Variants in SHISA9 observed in about 807,000 individuals in gnomAD.
SHISA9 encodes shisa family member 9, also known as protein shisa-9.
Under a neutral mutation model 38.0 loss-of-function variants are expected in SHISA9, and 13 were observed. That is an observed-to-expected ratio of 0.34 (90% confidence interval 0.22 to 0.54). The LOEUF (loss-of-function observed/expected upper bound fraction) is 0.54. SHISA9 is among the 20% of genes least tolerant of loss of function. The pLI is 0.91. For missense variants in SHISA9, 538 were observed against 575.8 expected (o/e 0.93, Z 0.67); for synonymous variants, 275 against 242.0 (o/e 1.14, Z -1.27).
the SHISA9 span, among the ~76,000 whole-genome samples, chr16:13,420,194 G>A: frequency 5.6e-5 from 7 of 124,748 alleles, no homozygotes; most frequent in South Asian, 8.0e-4. Flanking sequence ...TGCCCTGAGC[G>A]GAGATCGCAC....
intron 2 of SHISA9, among the ~76,000 whole-genome samples, chr16:12,936,403 G>A (rs1012283479): frequency 1.3e-5 from 2 of 152,174 alleles, no homozygotes; most frequent in South Asian, 2.1e-4. Flanking sequence ...GCACAGTGAG[G>A]CATAAGTGTC....
intron 2 of SHISA9, among the ~76,000 whole-genome samples, chr16:13,104,437 G>A (rs1441312540): frequency 1.3e-5 from 2 of 152,024 alleles, no homozygotes; most frequent in Non-Finnish European, 2.9e-5. Context: ...AGTCCAAAGT[G>A]GAAACACTCC....
chr16:13,141,452 C>A (rs2050400909), intron 2 of SHISA9, among the ~76,000 whole-genome samples: 1 of 151,876 alleles, frequency 6.6e-6, no homozygotes. Flanking sequence ...TTTGGGAGGC[C>A]AAGGCAAGCA....
At chr16:13,443,403 GA>G in the SHISA9 span, among the ~76,000 whole-genome samples, 1 of 152,156 alleles carries the variant, frequency 6.6e-6, no homozygotes, top group Non-Finnish European at 1.5e-5. Context: ...AAGACTTTGG[GA>G]AATACTTGTC....
intron 2 of SHISA9, among the ~76,000 whole-genome samples, chr16:13,088,461 C>G (rs1453363632): frequency 6.6e-6 from 1 of 152,138 alleles, no homozygotes; most frequent in Non-Finnish European, 1.5e-5. Flanking sequence ...GAATATTCTT[C>G]CATTTGTTTG....
the SHISA9 span, among the ~76,000 whole-genome samples, chr16:13,399,599 C>T: frequency 2.0e-5 from 3 of 152,202 alleles, no homozygotes; most frequent in Non-Finnish European, 2.9e-5. Context: ...CTATTGCTTT[C>T]TGTTCTTTCC....
At chr16:13,030,598 C>T (rs896232847) in intron 2 of SHISA9, among the ~76,000 whole-genome samples, 4 of 152,142 alleles carry the variant, frequency 2.6e-5, no homozygotes, top group Non-Finnish European at 5.9e-5. Flanking sequence ...ACCTGAGATC[C>T]GGACCACATC....
intron 2 of SHISA9, among the ~76,000 whole-genome samples, chr16:13,174,545 G>C (rs2050715286): frequency 6.6e-6 from 1 of 152,220 alleles, no homozygotes; most frequent in African/African-American, 2.4e-5. Context: ...AGGGATGAAG[G>C]CTAAGAAATT....
chr16:13,334,504 T>G, the SHISA9 span, among the ~76,000 whole-genome samples: 192 of 152,264 alleles, frequency 1.3e-3, 3 homozygotes, highest in African/African-American at 4.4e-3. Flanking sequence ...GCCGGGTGTG[T>G]TGGCTCATGC....
At chr16:13,378,960 C>A in the SHISA9 span, among the ~76,000 whole-genome samples, 4 of 152,134 alleles carry the variant, frequency 2.6e-5, no homozygotes, top group East Asian at 7.7e-4. Flanking sequence ...CAGTAAGTAA[C>A]CAACGATGTT....
At chr16:13,414,971 A>G in the SHISA9 span, among the ~76,000 whole-genome samples, 2 of 152,310 alleles carry the variant, frequency 1.3e-5, no homozygotes, top group Admixed American at 6.5e-5. Context: ...ACAGCAATGT[A>G]CAGAAAATGG....
At chr16:13,319,562 A>G in the SHISA9 span, among the ~76,000 whole-genome samples, 1 of 152,092 alleles carries the variant, frequency 6.6e-6, no homozygotes, top group Non-Finnish European at 1.5e-5. Flanking sequence ...GGCTGGAAAG[A>G]GCCCAGCTTC....
At chr16:13,558,286 GTGCAAATAATGTAAATAAGCTTGA>G in the SHISA9 span, among the ~76,000 whole-genome samples, 3 of 152,238 alleles carry the variant, frequency 2.0e-5, no homozygotes, top group South Asian at 6.2e-4. Context: ...ACATCTCTGG[GTGCAAATAATGTAAATAAGCTTGA>G]TGCTGTGCTG....
chr16:13,409,370 T>C, the SHISA9 span, among the ~76,000 whole-genome samples: 72 of 152,358 alleles, frequency 4.7e-4, no homozygotes, highest in African/African-American at 1.6e-3. Flanking sequence ...ACTGGCCCTC[T>C]GTCCTTGCAG....
At chr16:13,002,692 TG>T (rs1190150250) in intron 2 of SHISA9, among the ~76,000 whole-genome samples, 1 of 151,800 alleles carries the variant, frequency 6.6e-6, no homozygotes, top group Non-Finnish European at 1.5e-5. Flanking sequence ...ACCACCGCAC[TG>T]GGCTAATTTT....
At chr16:12,997,874 A>G (rs1391365019) in intron 2 of SHISA9, among the ~76,000 whole-genome samples, 3 of 152,194 alleles carry the variant, frequency 2.0e-5, no homozygotes, top group African/African-American at 7.2e-5. Context: ...ATCTCTAGAT[A>G]ATCATCCACC....
At chr16:13,504,306 C>T in the SHISA9 span, among the ~76,000 whole-genome samples, 1 of 152,048 alleles carries the variant, frequency 6.6e-6, no homozygotes, top group African/African-American at 2.4e-5. Flanking sequence ...AAAGTATACA[C>T]CATTTATGCG....
chr16:13,433,002 A>C, the SHISA9 span, among the ~76,000 whole-genome samples: 1 of 152,180 alleles, frequency 6.6e-6, no homozygotes, highest in East Asian at 1.9e-4. Context: ...TAATCTGTAC[A>C]GCAAACCCCC....
intron 2 of SHISA9, among the ~76,000 whole-genome samples, chr16:13,005,021 A>G (rs969581968): frequency 2.7e-5 from 4 of 150,190 alleles, no homozygotes; most frequent in Non-Finnish European, 5.9e-5. Flanking sequence ...GAACCTGGCT[A>G]TGGTTTATTT....
Sources: allele counts gnomAD v4.1 joint callset (sites outside exome capture counted in the v4.1 genomes callset), GRCh38; gene constraint gnomAD v4.1.1; transcripts MANE v1.5; gene names NCBI Gene and HGNC (gene_info 2026-07-23, HGNC 2026-07-21).